Variants in CELF4 observed in about 807,000 individuals in gnomAD.
The protein encoded by CELF4 is CUGBP Elav-like family member 4.
CELF4 carries 18 observed loss-of-function variants against 59.9 expected under a neutral mutation model. The ratio of observed to expected loss-of-function variants is 0.30; its 90% confidence interval spans 0.21 to 0.45. The LOEUF (loss-of-function observed/expected upper bound fraction) is 0.45, where lower values mean the gene tolerates loss of function less well. Among genes scored for constraint, CELF4 ranks in the 20% least tolerant of loss-of-function variants. The probability of loss-of-function intolerance (pLI) is 1.00; values close to 1 mark genes in which losing one functional copy is unlikely to be tolerated. For missense variants in CELF4, 456 were observed against 689.0 expected, an observed-to-expected ratio of 0.66 and a Z score of 3.79; for synonymous variants, 261 against 267.1, an observed-to-expected ratio of 0.98 and a Z score of 0.22.
intron 2 of CELF4, among the ~76,000 whole-genome samples, chr18:37,436,542 C>T (rs760502743): frequency 2.3e-4 from 35 of 152,210 alleles, no homozygotes; most frequent in African/African-American, 8.4e-4. Context: ...GACCTCTGCC[C>T]TCTGGGGGAG....
intron 10 of CELF4, among the ~76,000 whole-genome samples, chr18:37,262,831 G>T (rs1259468864): frequency 1.3e-5 from 2 of 152,154 alleles, no homozygotes; most frequent in Non-Finnish European, 2.9e-5. Context: ...GCTGCAGCCT[G>T]ATGAGGGGAC....
intron 2 of CELF4, among the ~76,000 whole-genome samples, chr18:37,427,875 A>G (rs2099623816): frequency 6.6e-6 from 1 of 152,236 alleles, no homozygotes; most frequent in South Asian, 2.1e-4. Context: ...GGTCTCCCAT[A>G]CAATGTTTTG....
rs949367619 is a variant in CELF4, at chr18:37,266,698, G to C, written c.1100-100C>G. On this transcript the variant is annotated intron_variant, in intron 8 of 12. Transcript: ENST00000420428. ...TGATGTAGCTGTACTGCCTTTTCTG[G>C]CTACTGCAGGCTGTGCCCTGGGGCA... 4 of 1,047,426 alleles carry C rather than the reference G, an allele frequency of 3.8e-6. No individual in the cohort carries two copies. The Admixed American group carries it at 7.0e-5, about 18-fold the overall frequency. 64.9% of individuals were successfully genotyped at this position (1,047,426 alleles called of 1,614,324 possible). A position where few individuals can be genotyped will look rare whatever the true frequency, so the allele number is the denominator to read the frequency against.
At chr18:37,326,406 T>C (rs2097313132) in intron 2 of CELF4, among the ~76,000 whole-genome samples, 1 of 152,144 alleles carries the variant, frequency 6.6e-6, no homozygotes, top group Non-Finnish European at 1.5e-5. Flanking sequence ...CAGCTACTCC[T>C]CTCCACCAGT....
At chr18:37,328,936 T>C (rs2097431832) in intron 2 of CELF4, among the ~76,000 whole-genome samples, 1 of 152,192 alleles carries the variant, frequency 6.6e-6, no homozygotes, top group African/African-American at 2.4e-5. Context: ...AGTACTAAAA[T>C]ATAAAGCCTT....
chr18:37,395,982 T>A (rs1452347539), intron 2 of CELF4, among the ~76,000 whole-genome samples: 3 of 152,220 alleles, frequency 2.0e-5, no homozygotes, highest in Non-Finnish European at 4.4e-5. Flanking sequence ...CTGGCAATTT[T>A]GTCTCACTCA....
chr18:37,408,440 A>C (rs2099404917), intron 2 of CELF4, among the ~76,000 whole-genome samples: 1 of 143,868 alleles, frequency 7.0e-6, no homozygotes, highest in South Asian at 2.3e-4. Context: ...CTGACTACAC[A>C]CATGGAAAAA....
At chr18:37,404,759 C>G (rs2099364002) in intron 2 of CELF4, among the ~76,000 whole-genome samples, 1 of 152,152 alleles carries the variant, frequency 6.6e-6, no homozygotes, top group Non-Finnish European at 1.5e-5. Context: ...GTGTGGCTGC[C>G]CTAACAGTGA....
rs2099735189 is a variant in CELF4 at position 37,442,524 on chromosome 18, G to T, written c.369+43001C>A. On this transcript the variant is annotated intron_variant, in intron 2 of 12. Transcript: ENST00000420428. ...GCTGTCAATAGCTGAGGAAGGGAAGGTGGCTGGGGTGAGGGTCATCACAGT... is the reference window on the plus strand; with the variant it reads ...GCTGTCAATAGCTGAGGAAGGGAAGTTGGCTGGGGTGAGGGTCATCACAGT... Among the ~76,000 whole-genome samples the T allele has an allele frequency of 2.6e-5, 4 of 152,346 alleles. No individual in the cohort carries two copies. In the South Asian group the frequency reaches 8.3e-4, roughly 32 times the overall value.
chr18:37,253,975 C>T lies in CELF4; in HGVS notation c.1334-37G>A. 1 of 1,238,732 alleles carries T rather than the reference C, an allele frequency of 8.1e-7. No individual in the cohort carries two copies. The highest frequency in any genetic ancestry group is 1.1e-6 in the Non-Finnish European group (1 of 942,242). 76.7% of individuals were successfully genotyped at this position (1,238,732 alleles called of 1,614,324 possible). On this transcript the variant is annotated intron_variant, in intron 11 of 12. Transcript: ENST00000420428. This position sits in a 1 kb window ranked among gnomAD's most constrained non-coding sequence, Gnocchi z 4.5. ...CGAGGGACGAGGGCCTGGGTTTCCA[C>T]GGGGCCGCCCGGGGCGCTGCCGGCG...
chr18:37,561,724 G>T (rs2099986593), intron 1 of CELF4, among the ~76,000 whole-genome samples: 1 of 152,204 alleles, frequency 6.6e-6, no homozygotes, highest in African/African-American at 2.4e-5. Flanking sequence ...GAGAAAGGAA[G>T]AATTGGACTA....
At chr18:37,431,697 C>T (rs1422668963) in intron 2 of CELF4, among the ~76,000 whole-genome samples, 1 of 152,142 alleles carries the variant, frequency 6.6e-6, no homozygotes, top group Non-Finnish European at 1.5e-5. Flanking sequence ...TATGTGAAAA[C>T]TCAATAAGCC....
chr18:37,439,830 C>T (rs1013925981), intron 2 of CELF4, among the ~76,000 whole-genome samples: 4 of 152,188 alleles, frequency 2.6e-5, no homozygotes, highest in Non-Finnish European at 4.4e-5. Flanking sequence ...TCTTGCATTT[C>T]TTTGGGGAAA....
At position 37,254,590 on chromosome 18, in the gene CELF4, C is replaced by G. The variant is rs576916508; in HGVS notation, c.1334-652G>C. 6.6e-6 allele frequency among the ~76,000 whole-genome samples: 1 copy of G among 152,194 alleles called. No individual in the cohort carries two copies. Among genetic ancestry groups the G allele is most frequent in the African/African-American group, 2.4e-5 (1 of 41,466 alleles). On this transcript the variant is annotated intron_variant, in intron 11 of 12. Coordinates refer to ENST00000420428, the MANE Select transcript of CELF4 (RefSeq NM_020180.4). This position sits in a 1 kb window ranked among gnomAD's most constrained non-coding sequence, Gnocchi z 5.1. ...GGTGGGCCCTGGGCGTCACCTCGCC[C>G]CGGGCGCCGTCGGCACCTCTCTTCT...
chr18:37,360,378 CA>C (rs2098683426), intron 2 of CELF4, among the ~76,000 whole-genome samples: 1 of 152,230 alleles, frequency 6.6e-6, no homozygotes, highest in Admixed American at 6.5e-5. Flanking sequence ...GCACAGGAAC[CA>C]GCCTGCTGAG....
chr18:37,426,025 T>C (rs2099610028), intron 2 of CELF4, among the ~76,000 whole-genome samples: 1 of 152,140 alleles, frequency 6.6e-6, no homozygotes, highest in Admixed American at 6.5e-5. Context: ...GCCACTGGGA[T>C]CAGACCAGGA....
intron 1 of CELF4, among the ~76,000 whole-genome samples, chr18:37,554,922 A>G (rs1215783166): frequency 6.6e-6 from 1 of 152,164 alleles, no homozygotes; most frequent in Non-Finnish European, 1.5e-5. Flanking sequence ...CTGGGGCTGA[A>G]AGTAAGCCTC....
chr18:37,540,281 A>G (rs2099976849), intron 1 of CELF4, among the ~76,000 whole-genome samples: 1 of 152,248 alleles, frequency 6.6e-6, no homozygotes, highest in African/African-American at 2.4e-5. Context: ...GCCCCAGCCC[A>G]GAGCCTCCCA....
chr18:37,531,796 C>T (rs1039200672), intron 1 of CELF4, among the ~76,000 whole-genome samples: 7 of 152,126 alleles, frequency 4.6e-5, no homozygotes, highest in Admixed American at 2.0e-4. Context: ...GGGACCAGAC[C>T]TCTAGCACCC....
Sources: gnomAD v4.1 joint callset for allele counts (sites outside exome capture counted in the v4.1 genomes callset) on GRCh38, gnomAD v4.1.1 for gene constraint, Gnocchi (gnomAD v3.1) non-coding constraint, MANE v1.5 for transcripts, NCBI Gene and HGNC (gene_info 2026-07-23, HGNC 2026-07-21) for gene names.